The following ATRNL1 variants were observed in gnomAD, a reference collection of about 807,000 sequenced individuals.
ATRNL1 encodes the protein attractin-like protein 1.
In ATRNL1, 95 loss-of-function variants were observed where a neutral mutation model predicts 182.7. The ratio of observed to expected loss-of-function variants is 0.52; its 90% CI spans 0.44 to 0.62. The LOEUF is 0.62. Among genes scored for constraint, ATRNL1 ranks in the 20% least tolerant of loss-of-function variants. ATRNL1 has a pLI of 0.00. For missense variants in ATRNL1, 1,471 were observed against 1,679.5 expected, an observed-to-expected ratio of 0.88 and a Z score of 2.17; for synonymous variants, 576 against 568.3, an observed-to-expected ratio of 1.01 and a Z score of -0.19.
intron 1 of ATRNL1, chr10:115,096,743 G>A: frequency 1.6e-6 from 2 of 1,282,364 alleles, no homozygotes; most frequent in Non-Finnish European, 1.0e-6. Context: ...AGTATCAAAA[G>A]TGGTACTTCA....
intron 21 of ATRNL1, among the ~76,000 whole-genome samples, chr10:115,430,031 A>T (rs1198188262): frequency 1.3e-5 from 2 of 152,202 alleles, no homozygotes; most frequent in African/African-American, 4.8e-5. Flanking sequence ...AGATCGCGCC[A>T]CTGCACTCCA....
intron 11 of ATRNL1, among the ~76,000 whole-genome samples, chr10:115,266,266 T>C (rs1851604297): frequency 6.6e-6 from 1 of 151,724 alleles, no homozygotes; most frequent in African/African-American, 2.4e-5. Context: ...TTTTTGATTA[T>C]TTTACTCTTA....
intron 8 of ATRNL1, among the ~76,000 whole-genome samples, chr10:115,194,448 G>T (rs1554890558): frequency 1.3e-5 from 2 of 151,716 alleles, no homozygotes; most frequent in African/African-American, 4.8e-5. Flanking sequence ...TAATAACCTT[G>T]TCTCTTTTTG....
At chr10:115,498,190 G>A (rs1849645904) in intron 24 of ATRNL1, among the ~76,000 whole-genome samples, 1 of 151,922 alleles carries the variant, frequency 6.6e-6, no homozygotes, top group Non-Finnish European at 1.5e-5. Flanking sequence ...ATATATGTCC[G>A]ATATTTATTT....
At chr10:115,136,614 A>G (rs1245677206) in intron 5 of ATRNL1, among the ~76,000 whole-genome samples, 5 of 151,932 alleles carry the variant, frequency 3.3e-5, no homozygotes, top group Non-Finnish European at 7.4e-5. Flanking sequence ...TCCTCTCCCT[A>G]CCCCTGCCAA....
At chr10:115,758,602 G>T (rs1948653392) in intron 27 of ATRNL1, among the ~76,000 whole-genome samples, 1 of 152,184 alleles carries the variant, frequency 6.6e-6, no homozygotes, top group Non-Finnish European at 1.5e-5. Context: ...TATACACGGG[G>T]GTGTCAGGGA....
chr10:115,873,629 G>C (rs956602166), intron 28 of ATRNL1, among the ~76,000 whole-genome samples: 1 of 152,126 alleles, frequency 6.6e-6, no homozygotes, highest in Non-Finnish European at 1.5e-5. Context: ...AGGACCCTTT[G>C]GGCCAGAAGG....
chr10:115,361,182 T>C (rs1171978723), intron 19 of ATRNL1, among the ~76,000 whole-genome samples: 4 of 152,068 alleles, frequency 2.6e-5, no homozygotes, highest in African/African-American at 9.7e-5. Flanking sequence ...AGTTCTTCTG[T>C]AATCAATGAT....
chr10:115,386,188 A>G (rs1858338655), intron 19 of ATRNL1, among the ~76,000 whole-genome samples: 1 of 152,192 alleles, frequency 6.6e-6, no homozygotes, highest in Non-Finnish European at 1.5e-5. Context: ...ATTCATGTGC[A>G]TGGCATATCT....
At chr10:115,332,557 A>G (rs1418403860) in intron 18 of ATRNL1, among the ~76,000 whole-genome samples, 3 of 152,220 alleles carry the variant, frequency 2.0e-5, no homozygotes, top group Admixed American at 1.3e-4. Context: ...TCATAATGTA[A>G]TATGGAGTTT....
intron 26 of ATRNL1, among the ~76,000 whole-genome samples, chr10:115,661,572 C>A (rs2133905041): frequency 6.6e-6 from 1 of 152,138 alleles, no homozygotes; most frequent in South Asian, 2.1e-4. Flanking sequence ...GCTTTTGTGA[C>A]CCTATATCTC....
intron 28 of ATRNL1, among the ~76,000 whole-genome samples, chr10:115,863,282 A>G (rs1226413188): frequency 3.9e-5 from 6 of 152,196 alleles, no homozygotes; most frequent in African/African-American, 1.4e-4. Flanking sequence ...ATAAATAACT[A>G]TGCTGGGGGT....
At chr10:115,331,748 C>T (rs1592466004) in intron 18 of ATRNL1, among the ~76,000 whole-genome samples, 1 of 152,084 alleles carries the variant, frequency 6.6e-6, no homozygotes, top group African/African-American at 2.4e-5. Context: ...TCTGAGCATA[C>T]TGACTCTTGT....
chr10:115,469,263 T>C lies in ATRNL1; in HGVS notation c.3588T>C (p.Phe1196=). 2.0e-6 allele frequency: 3 copies of C among 1,526,554 alleles called. 1 individual carries two copies. The highest frequency in any genetic ancestry group is 8.8e-7 in the Non-Finnish European group (1 of 1,137,058). 94.6% of individuals were successfully genotyped at this position (1,526,554 alleles called of 1,614,324 possible). The part of the protein sequence containing the change: ...RDSFSYEKFN[F]RSNPNITFYV... ...GTTTTTCCTATGAAAAATTTAACTT[T>C]AGAAGCAATCCTAACATTACATTCT... The change falls in exon 24 of 29, where the codon TTT becomes TTC. Residue 1196 remains phenylalanine, a synonymous_variant. Transcript: ENST00000355044.
intron 27 of ATRNL1, among the ~76,000 whole-genome samples, chr10:115,831,421 T>C (rs1468704498): frequency 6.6e-6 from 1 of 152,134 alleles, no homozygotes; most frequent in Non-Finnish European, 1.5e-5. Flanking sequence ...CATAGTTCCT[T>C]AATAAAGAGG....
intron 21 of ATRNL1, among the ~76,000 whole-genome samples, chr10:115,426,924 C>G (rs1405991445): frequency 2.0e-5 from 3 of 152,108 alleles, no homozygotes; most frequent in Non-Finnish European, 2.9e-5. Context: ...GGGGTTTTGC[C>G]ACGTTGGTCA....
intron 26 of ATRNL1, among the ~76,000 whole-genome samples, chr10:115,671,531 T>C (rs1945697508): frequency 1.3e-5 from 2 of 152,140 alleles, no homozygotes; most frequent in African/African-American, 2.4e-5. Context: ...CTTCAACTAG[T>C]TGAGGAAAGA....
In ATRNL1 at chr10:115,547,263, A is replaced by ATATAT. The variant is rs782037872; in HGVS notation, c.3717-2195_3717-2194insTATAT. On this transcript the variant is annotated intron_variant, in intron 25 of 28. Coordinates refer to ENST00000355044, the MANE Select transcript of ATRNL1 (RefSeq NM_207303.4). ...GAGTGAGACTCCATCTCAAAAAAAA[A>ATATAT]ATATATATATATATATATAAATATA... 2.2e-5 allele frequency among the ~76,000 whole-genome samples: 3 copies of ATATAT among 136,822 alleles called. No individual in the cohort carries two copies. In the East Asian group the frequency reaches 6.6e-4, roughly 30 times the overall value. 89.8% of individuals were successfully genotyped at this position (136,822 alleles called of 152,430 possible).
chr10:115,461,173 A>G (rs1486976353), intron 21 of ATRNL1, among the ~76,000 whole-genome samples: 3 of 152,220 alleles, frequency 2.0e-5, no homozygotes, highest in East Asian at 1.9e-4. Context: ...TCCAAAAGAC[A>G]GAAGTAATCT....
Sources: gnomAD v4.1 joint callset for allele counts (sites outside exome capture counted in the v4.1 genomes callset) on GRCh38, gnomAD v4.1.1 for gene constraint, MANE v1.5 for transcripts, NCBI Gene and HGNC (gene_info 2026-07-23, HGNC 2026-07-21) for gene names.